The following PIEZO2 variants were observed in gnomAD, a reference collection of about 807,000 sequenced individuals.
PIEZO2 encodes piezo-type mechanosensitive ion channel component 2.
In PIEZO2, 172 loss-of-function variants were observed where a neutral mutation model predicts 337.3. The ratio of observed to expected loss-of-function variants is 0.51; its 90% CI spans 0.45 to 0.58. The LOEUF is 0.58. Ranked by LOEUF, PIEZO2 falls within the 20% of genes least tolerant of loss-of-function variation. The pLI is 0.00. For missense variants in PIEZO2, 3,028 were observed against 3,391.3 expected, an observed-to-expected ratio of 0.89 and a Z score of 2.66; for synonymous variants, 1,251 against 1,228.5, an observed-to-expected ratio of 1.02 and a Z score of -0.38.
intron 2 of PIEZO2, among the ~76,000 whole-genome samples, chr18:11,005,109 C>T (rs1214593821): frequency 1.3e-5 from 2 of 152,220 alleles, no homozygotes; most frequent in Non-Finnish European, 2.9e-5. Flanking sequence ...TTATTTTATT[C>T]AGCCAGTGTG....
At chr18:10,865,653 T>TA (rs1441271992) in intron 5 of PIEZO2, among the ~76,000 whole-genome samples, 1 of 152,256 alleles carries the variant, frequency 6.6e-6, no homozygotes, top group South Asian at 2.1e-4. Context: ...CTCCCAAACA[T>TA]ATGACCAATA....
rs913730798 is a variant in PIEZO2 at position 10,903,979 on chromosome 18, G to A, written c.329+7207C>T. On this transcript the variant is annotated intron_variant, in intron 4 of 55. Coordinates refer to ENST00000674853, the MANE Select transcript of PIEZO2 (RefSeq NM_001378183.1). This position sits in a 1 kb window ranked among gnomAD's most constrained non-coding sequence, Gnocchi z 4.1. The stretch of plus-strand genomic sequence containing the variant: ...ATAGATATCATTAGAATAGCACCTG[G>A]TACACAGCAGCAGCAGCTGCTCCAA... 2.6e-5 allele frequency among the ~76,000 whole-genome samples: 4 copies of A among 152,060 alleles called. No homozygotes were observed. Among genetic ancestry groups the A allele is most frequent in the Non-Finnish European group, 4.4e-5 (3 of 68,028 alleles).
At chr18:10,675,981 A>G (rs958974910) in intron 53 of PIEZO2, among the ~76,000 whole-genome samples, 1 of 152,134 alleles carries the variant, frequency 6.6e-6, no homozygotes, top group African/African-American at 2.4e-5. Context: ...CTGTGAGTCA[A>G]TTCAACCTCT....
intron 47 of PIEZO2, among the ~76,000 whole-genome samples, chr18:10,695,353 G>A (rs2035034733): frequency 6.6e-6 from 1 of 152,130 alleles, no homozygotes; most frequent in East Asian, 1.9e-4. Context: ...GGCACACTGG[G>A]GAACTGAAGG....
chr18:10,868,872 C>A (rs1265261578), intron 5 of PIEZO2, among the ~76,000 whole-genome samples: 2 of 152,244 alleles, frequency 1.3e-5, no homozygotes, highest in South Asian at 4.1e-4. Context: ...AGTCCTATGG[C>A]AAACAGCATT....
Position 10,821,731 on chromosome 18 carries a change from C to T in PIEZO2, c.918-14457G>A, listed in dbSNP as rs2040526584. On this transcript the variant is annotated intron_variant, in intron 7 of 55. Transcript: ENST00000674853. The surrounding 1 kb of genome is among the most constrained non-coding windows in gnomAD (Gnocchi z 4.2). The stretch of plus-strand genomic sequence containing the variant: ...CCCACAGCACCATCCTGCGCCCTCC[C>T]TGTCTCTCACCATTTACAACATAGA... Among the ~76,000 whole-genome samples the T allele has an allele frequency of 6.6e-6, 1 of 152,182 alleles. No homozygotes were observed. Among genetic ancestry groups the T allele is most frequent in the African/African-American group, 2.4e-5 (1 of 41,442 alleles).
At position 10,852,861 on chromosome 18, in the gene PIEZO2, C is replaced by T. The variant is rs190245325; in HGVS notation, c.917+2492G>A. ...GAGAGGGCACCCCCCACCCACCAAC[C>T]GGGAACGTCAGGAGACCATAAGGTG... On this transcript the variant is annotated intron_variant, in intron 7 of 55. Transcript: ENST00000674853. Among the ~76,000 whole-genome samples, 11 of 152,162 alleles carry T rather than the reference C, an allele frequency of 7.2e-5. No homozygotes were observed. The East Asian group carries it at 1.9e-3, about 27-fold the overall frequency.
At chr18:10,946,013 C>T (rs1247856652) in intron 3 of PIEZO2, among the ~76,000 whole-genome samples, 1 of 152,138 alleles carries the variant, frequency 6.6e-6, no homozygotes, top group Non-Finnish European at 1.5e-5. Flanking sequence ...TACTGAGGTA[C>T]AGGTGACTCC....
In PIEZO2 at chr18:10,673,610, G is replaced by T. The variant is rs977478563; in HGVS notation, c.8162-737C>A. ...CGGGTCAGTGATTACTTTTATTGGA[G>T]TTTAGGGTGAATGCAAAAGAGTTGT... On this transcript the variant is annotated intron_variant, in intron 54 of 55. Transcript: ENST00000674853. The surrounding 1 kb of genome is among the most constrained non-coding windows in gnomAD (Gnocchi z 4.8). 7.9e-5 allele frequency among the ~76,000 whole-genome samples: 12 copies of T among 152,162 alleles called. No individual in the cohort carries two copies. The highest frequency in any genetic ancestry group is 1.2e-4 in the Non-Finnish European group (8 of 68,028).
At chr18:10,985,284 G>T (rs913399288) in intron 2 of PIEZO2, among the ~76,000 whole-genome samples, 1 of 151,990 alleles carries the variant, frequency 6.6e-6, no homozygotes, top group Admixed American at 6.6e-5. Context: ...TTTGCTAATA[G>T]ATATAAATAG....
At chr18:11,042,183 A>G (rs1046902793) in intron 2 of PIEZO2, among the ~76,000 whole-genome samples, 4 of 152,188 alleles carry the variant, frequency 2.6e-5, no homozygotes, top group African/African-American at 9.7e-5. Context: ...TCTGCCAATG[A>G]AAAACACTAA....
At chr18:10,805,867 T>C (rs2039986209) in intron 8 of PIEZO2, among the ~76,000 whole-genome samples, 1 of 152,252 alleles carries the variant, frequency 6.6e-6, no homozygotes, top group African/African-American at 2.4e-5. Flanking sequence ...ACCATCCTCA[T>C]TTCTGCAGGT....
At chr18:10,873,110 A>G (rs570685816) in intron 4 of PIEZO2, among the ~76,000 whole-genome samples, 1 of 152,342 alleles carries the variant, frequency 6.6e-6, no homozygotes, top group East Asian at 1.9e-4. Context: ...TTTACATTAT[A>G]TATTATATAT....
intron 1 of PIEZO2, among the ~76,000 whole-genome samples, chr18:11,106,361 G>A (rs1184798121): frequency 6.7e-6 from 1 of 149,966 alleles, no homozygotes; most frequent in Non-Finnish European, 1.5e-5. Context: ...GCCTCCCAAA[G>A]TGCTGGGATT....
chr18:10,805,097 A>G (rs1320294162), intron 8 of PIEZO2, among the ~76,000 whole-genome samples: 1 of 152,236 alleles, frequency 6.6e-6, no homozygotes, highest in Non-Finnish European at 1.5e-5. Flanking sequence ...GTTATAACGG[A>G]GCCCTCATCA....
rs145340249 is a variant in PIEZO2 at position 11,068,171 on chromosome 18, T to C, written c.65-1949A>G. Among the ~76,000 whole-genome samples the C allele has an allele frequency of 4.4e-3, 667 of 152,256 alleles. 3 individuals are homozygous for C. The highest frequency in any genetic ancestry group is 0.016 in the African/African-American group (647 of 41,552). On this transcript the variant is annotated intron_variant, in intron 1 of 55. Transcript: ENST00000674853. ...TCCTGATCTCATGATCCGCCTGCCTTGGCCACCCAAAGTGCTGGGATTACA... is the reference window on the plus strand; with the variant it reads ...TCCTGATCTCATGATCCGCCTGCCTCGGCCACCCAAAGTGCTGGGATTACA...
Position 11,028,921 on chromosome 18 carries a change from A to T in PIEZO2, c.160+37206T>A, listed in dbSNP as rs2036633520. On this transcript the variant is annotated intron_variant, in intron 2 of 55. Transcript: ENST00000674853. This position sits in a 1 kb window ranked among gnomAD's most constrained non-coding sequence, Gnocchi z 4.8. Reference sequence around the variant, plus strand: ...TCATAGGAAACAGAGTTGAAAAAAAATTTAGATAAGATGGCATGGAACATT... The same window carrying T: ...TCATAGGAAACAGAGTTGAAAAAAATTTTAGATAAGATGGCATGGAACATT... Among the ~76,000 whole-genome samples the T allele has an allele frequency of 2.0e-5, 3 of 152,214 alleles. No homozygotes were observed. Among genetic ancestry groups the T allele is most frequent in the Non-Finnish European group, 2.9e-5 (2 of 68,048 alleles).
In PIEZO2 at chr18:11,132,103, T is replaced by C. The variant is rs1045267432; in HGVS notation, c.64+16422A>G. Among the ~76,000 whole-genome samples, 5 of 152,176 alleles carry C rather than the reference T, an allele frequency of 3.3e-5. No homozygotes were observed. The highest frequency in any genetic ancestry group is 1.2e-4 in the African/African-American group (5 of 41,442). ...GCTACCTGGTGGCTGGTTGATTATA[T>C]TGGACCTCTTCCAACATGGAAAGAG... On this transcript the variant is annotated intron_variant, in intron 1 of 55. Transcript: ENST00000674853. This position sits in a 1 kb window ranked among gnomAD's most constrained non-coding sequence, Gnocchi z 4.7.
chr18:10,814,622 GTCAAGGTGGAAGCC>G (rs1045595073), intron 7 of PIEZO2, among the ~76,000 whole-genome samples: 1 of 152,184 alleles, frequency 6.6e-6, no homozygotes, highest in African/African-American at 2.4e-5. Context: ...GCTGAGCTCT[GTCAAGGTGGAAGCC>G]TTGTCAGCCC....
Sources: allele counts gnomAD v4.1 joint callset (sites outside exome capture counted in the v4.1 genomes callset), GRCh38; gene constraint gnomAD v4.1.1; non-coding constraint Gnocchi (gnomAD v3.1); transcripts MANE v1.5; gene names NCBI Gene and HGNC (gene_info 2026-07-23, HGNC 2026-07-21).